SRSF10: variants seen among roughly 807,000 people sequenced by gnomAD.
SRSF10 encodes serine/arginine-rich splicing factor 10.
In SRSF10, 9 loss-of-function variants were observed where a neutral mutation model predicts 32.6. The observed-to-expected ratio is 0.28, with a 90% CI of 0.17 to 0.48. The LOEUF (loss-of-function observed/expected upper bound fraction) is 0.48. SRSF10 is among the 20% of genes least tolerant of loss of function. The pLI is 0.99. For missense variants in SRSF10, 201 were observed against 331.8 expected (o/e 0.61, Z 3.06); for synonymous variants, 105 against 112.4 (o/e 0.93, Z 0.42).
In SRSF10 at chr1:23,964,596, A is replaced by C. The variant is rs764476632; in HGVS notation, c.*6546T>G. Among the ~76,000 whole-genome samples the C allele has an allele frequency of 8.7e-4, 132 of 152,074 alleles. No individual in the cohort carries two copies. The highest frequency in any genetic ancestry group is 1.8e-3 in the Non-Finnish European group (122 of 67,866). ...TTAAGCTTAAAATAAATACTAATAA[A>C]CTATCCTCTTCCCTAGAACTACAAC... On this transcript the variant is annotated 3_prime_UTR_variant, in exon 6 of 6. Coordinates refer to ENST00000492112, the MANE Select transcript of SRSF10 (RefSeq NM_054016.4).
Position 23,966,235 on chromosome 1 carries a change from A to T in SRSF10, c.*4907T>A, listed in dbSNP as rs1641441835. On this transcript the variant is annotated 3_prime_UTR_variant, in exon 6 of 6. Coordinates refer to ENST00000492112, the MANE Select transcript of SRSF10 (RefSeq NM_054016.4). ...ATAAAATACAAACAATAATACCTCC[A>T]TTTCACACCTCCCTTGAAAATATAC... 1 of 151,790 alleles carries T rather than the reference A, an allele frequency of 6.6e-6. No individual in the cohort carries two copies. Among genetic ancestry groups the T allele is most frequent in the Non-Finnish European group, 1.5e-5 (1 of 67,776 alleles). The allele number at this position is 151,790 out of a possible 1,614,324, so 9.4% of individuals were successfully genotyped here.
Position 23,969,976 on chromosome 1 carries a change from T to C in SRSF10, c.*1166A>G. ...TTTTGATACAAATGCACGAGCCAAG[T>C]GCTGTAAGCATCAAAATTTCAGTTC... is the stretch of plus-strand genomic sequence containing the variant. On this transcript the variant is annotated 3_prime_UTR_variant, in exon 6 of 6. Coordinates refer to ENST00000492112, the MANE Select transcript of SRSF10 (RefSeq NM_054016.4). 1 of 985,422 alleles carries C rather than the reference T, an allele frequency of 1.0e-6. No homozygotes were observed. The highest frequency in any genetic ancestry group is 1.2e-6 in the Non-Finnish European group (1 of 829,930). The allele number at this position is 985,422 out of a possible 1,614,324, so 61.0% of individuals were successfully genotyped here.
Position 23,980,308 on chromosome 1 carries a change from G to A in SRSF10, c.-53C>T. ...CTAACGGGCTCAGCAAACCGTCCGC[G>A]GCTCAGGCGGCCGAGCCTCAGACAC... On this transcript the variant is annotated 5_prime_UTR_variant, in exon 1 of 6. Transcript: ENST00000492112. 2.2e-6 allele frequency: 3 copies of A among 1,386,416 alleles called. No homozygotes were observed. The highest frequency in any genetic ancestry group is 2.8e-6 in the Non-Finnish European group (3 of 1,061,678). The allele number at this position is 1,386,416 out of a possible 1,614,324, so 85.9% of individuals were successfully genotyped here.
Position 23,968,224 on chromosome 1 carries a change from G to A in SRSF10, c.*2918C>T, listed in dbSNP as rs1016514113. Among the ~76,000 whole-genome samples, 5 of 152,170 alleles carry A rather than the reference G, an allele frequency of 3.3e-5. No individual in the cohort carries two copies. Among genetic ancestry groups the A allele is most frequent in the East Asian group, 1.9e-4 (1 of 5,188 alleles). ...TCCTTTTGAAGCTGTTAGGTGTGTC[G>A]CTTTAGGAACAACATATAAGATTCT... On this transcript the variant is annotated 3_prime_UTR_variant, in exon 6 of 6. Coordinates refer to ENST00000492112, the MANE Select transcript of SRSF10 (RefSeq NM_054016.4).
At chr1:23,972,876 G>A (rs1641857498) in intron 3 of SRSF10, among the ~76,000 whole-genome samples, 1 of 151,914 alleles carries the variant, frequency 6.6e-6, no homozygotes, top group Non-Finnish European at 1.5e-5. Flanking sequence ...CAAGTAGCTG[G>A]GATTACAGCA....
Position 23,967,829 on chromosome 1 carries a change from T to A in SRSF10, c.*3313A>T. The A allele has an allele frequency of 1.9e-6, 3 of 1,566,206 alleles. No individual in the cohort carries two copies. The highest frequency in any genetic ancestry group is 2.6e-6 in the Non-Finnish European group (3 of 1,152,130). On this transcript the variant is annotated 3_prime_UTR_variant, in exon 6 of 6. Transcript: ENST00000492112. ...GATGTAGCAGCTTACTGGGCCAAAT[T>A]TTCAAGAGAATAATACAATAGTTCC...
At position 23,971,606 on chromosome 1, in the gene SRSF10, G is replaced by T. The variant is rs771391736; in HGVS notation, c.458C>A (p.Pro153Gln). Reference sequence around the variant, plus strand: ...GTCGGAATGGCTTCTGCTACGCCGTGGTCTTCCAGTCGGTCTACTGCTAAA... The same window carrying T: ...GTCGGAATGGCTTCTGCTACGCCGTTGTCTTCCAGTCGGTCTACTGCTAAA... ...SPRNSRPTGRPRRSRSHSDND... is the reference protein window; with the variant it reads ...SPRNSRPTGRQRRSRSHSDND... Residue 153 changes from proline (P) to glutamine (Q), a missense_variant, in exon 5 of 6, where the codon CCA becomes CAA. Physicochemically the swap from Pro to Gln is moderately conservative, Grantham distance 76 (BLOSUM62 -1). Transcript: ENST00000492112. 25 of 1,610,882 alleles carry T rather than the reference G, an allele frequency of 1.6e-5. No individual in the cohort carries two copies. Among genetic ancestry groups the T allele is most frequent in the Middle Eastern group, 2.3e-4 (1 of 4,444 alleles).
At chr1:23,977,974 G>C in intron 2 of SRSF10, 1 of 984,964 alleles carries the variant, frequency 1.0e-6, no homozygotes. Flanking sequence ...AACTCTTTAA[G>C]TGCTTGTCAG....
At chr1:23,972,859 A>T (rs1428310612) in intron 3 of SRSF10, among the ~76,000 whole-genome samples, 1 of 151,548 alleles carries the variant, frequency 6.6e-6, no homozygotes. Context: ...CTCCTGCCTC[A>T]GCCTCCCAAG....
Position 23,967,897 on chromosome 1 carries a change from T to C in SRSF10, c.*3245A>G. 2.6e-6 allele frequency: 4 copies of C among 1,549,520 alleles called. No individual in the cohort carries two copies. Among genetic ancestry groups the C allele is most frequent in the South Asian group, 2.4e-5 (2 of 84,140 alleles). On this transcript the variant is annotated 3_prime_UTR_variant, in exon 6 of 6. Coordinates refer to ENST00000492112, the MANE Select transcript of SRSF10 (RefSeq NM_054016.4). ...ATGTAACTTAACAGCTCATACTCTA[T>C]GTAGCACCTTTCCTCTCTCACTGAA... is the stretch of plus-strand genomic sequence containing the variant.
Position 23,971,206 on chromosome 1 carries a change from T to C in SRSF10, c.725A>G (p.Gln242Arg), listed in dbSNP as rs1224103097. 3.1e-6 allele frequency: 5 copies of C among 1,614,052 alleles called. No individual in the cohort carries two copies. Among genetic ancestry groups the C allele is most frequent in the Non-Finnish European group, 4.2e-6 (5 of 1,180,022 alleles). The part of the protein sequence containing the change: ...PPRSKSQSRS[Q>R]SRSRSKSRSR... ...TCTAGATTTTGACCTAGACCTAGAC[T>C]GTGATCTTGACTGAGATTTGGATCT... Residue 242 changes from glutamine to arginine, a missense_variant, in exon 6 of 6, where the codon CAG becomes CGG. Transcript: ENST00000492112.
rs1296915645 is a variant in SRSF10 at position 23,968,138 on chromosome 1, G to A, written c.*3004C>T. Among the ~76,000 whole-genome samples, 5 of 152,144 alleles carry A rather than the reference G, an allele frequency of 3.3e-5. No individual in the cohort carries two copies. Among genetic ancestry groups the A allele is most frequent in the African/African-American group, 1.2e-4 (5 of 41,520 alleles). On this transcript the variant is annotated 3_prime_UTR_variant, in exon 6 of 6. Coordinates refer to ENST00000492112, the MANE Select transcript of SRSF10 (RefSeq NM_054016.4). ...ACCCAAAACTAACATAAAACACTAC[G>A]TAAAGATCCTCATCAAGTATCAGTA...
chr1:23,968,973 G>T lies in SRSF10; in HGVS notation c.*2169C>A. On this transcript the variant is annotated 3_prime_UTR_variant, in exon 6 of 6. Coordinates refer to ENST00000492112, the MANE Select transcript of SRSF10 (RefSeq NM_054016.4). ...ATCATTTCCAAAGTAAAAGTTAGTT[G>T]TGCCTAGTGCAACAATGATTTAAAA... 1 of 397,370 alleles carries T rather than the reference G, an allele frequency of 2.5e-6. No homozygotes were observed. Among genetic ancestry groups the T allele is most frequent in the Non-Finnish European group, 3.4e-6 (1 of 292,788 alleles). The allele number at this position is 397,370 out of a possible 1,614,324, so 24.6% of individuals were successfully genotyped here.
rs1209537270 is a variant in SRSF10, at chr1:23,970,626, T to C, written c.*516A>G. On this transcript the variant is annotated 3_prime_UTR_variant, in exon 6 of 6. Coordinates refer to ENST00000492112, the MANE Select transcript of SRSF10 (RefSeq NM_054016.4). ...CGCCCGCCTCGGCCTCCCAAAGTGC[T>C]GGGATTACAGGTGTGAGCCACCACG... The C allele has an allele frequency of 4.1e-6, 4 of 977,494 alleles. No homozygotes were observed. The highest frequency in any genetic ancestry group is 1.8e-5 in the African/African-American group (1 of 57,036). The allele number at this position is 977,494 out of a possible 1,614,324, so 60.6% of individuals were successfully genotyped here.
At chr1:23,976,904 A>G (rs1642126945) in intron 2 of SRSF10, 1 of 152,248 alleles carries the variant, frequency 6.6e-6, no homozygotes, top group Non-Finnish European at 1.5e-5. Context: ...TATGTATTTT[A>G]AAATTATCAT....
rs1641524349 is a variant in SRSF10 at position 23,967,822 on chromosome 1, G to A, written c.*3320C>T. The A allele has an allele frequency of 1.3e-6, 2 of 1,570,610 alleles. No individual in the cohort carries two copies. ...TGAACTGGATGTAGCAGCTTACTGG[G>A]CCAAATTTTCAAGAGAATAATACAA... On this transcript the variant is annotated 3_prime_UTR_variant, in exon 6 of 6. Coordinates refer to ENST00000492112, the MANE Select transcript of SRSF10 (RefSeq NM_054016.4).
Position 23,968,107 on chromosome 1 carries a change from T to A in SRSF10, c.*3035A>T, listed in dbSNP as rs1295968931. Among the ~76,000 whole-genome samples, 5 of 152,110 alleles carry A rather than the reference T, an allele frequency of 3.3e-5. No homozygotes were observed. The highest frequency in any genetic ancestry group is 5.9e-5 in the Non-Finnish European group (4 of 67,964). On this transcript the variant is annotated 3_prime_UTR_variant, in exon 6 of 6. Transcript: ENST00000492112. ...AAACTCAGTAAGTGGGGGACTCAAC[T>A]ACATCACCCAAAACTAACATAAAAC...
chr1:23,973,284 A>T (rs1641883254), intron 3 of SRSF10, among the ~76,000 whole-genome samples: 1 of 152,208 alleles, frequency 6.6e-6, no homozygotes. Context: ...CTGTTCTGAC[A>T]CTGGGAATCC....
Position 23,970,972 on chromosome 1 carries a change from G to C in SRSF10, c.*170C>G. The C allele has an allele frequency of 7.1e-7, 1 of 1,400,004 alleles. No individual in the cohort carries two copies. Among genetic ancestry groups the C allele is most frequent in the Non-Finnish European group, 9.2e-7 (1 of 1,082,132 alleles). 86.7% of individuals were successfully genotyped at this position (1,400,004 alleles called of 1,614,324 possible). ...AACATTAAACAAACTGGACTCTTAAGAGTGGCTTCTCAACAGCATATCATT... is the reference window on the plus strand; with the variant it reads ...AACATTAAACAAACTGGACTCTTAACAGTGGCTTCTCAACAGCATATCATT... On this transcript the variant is annotated 3_prime_UTR_variant, in exon 6 of 6. Transcript: ENST00000492112.
Sources: gnomAD v4.1 joint callset for allele counts (sites outside exome capture counted in the v4.1 genomes callset) on GRCh38, gnomAD v4.1.1 for gene constraint, MANE v1.5 for transcripts, NCBI Gene and HGNC (gene_info 2026-07-23, HGNC 2026-07-21) for gene names.